The following CYP2J2 variants were observed in gnomAD, a reference collection of about 807,000 sequenced individuals.
CYP2J2 encodes the protein cytochrome P450 2J2.
A neutral mutation model predicts 48.8 loss-of-function variants in CYP2J2; 41 were observed. That is an observed-to-expected ratio of 0.84 (90% CI 0.66 to 1.09). CYP2J2 has a LOEUF of 1.09. Among genes scored for constraint, CYP2J2 ranks in the 50% least tolerant of loss-of-function variants. The probability of loss-of-function intolerance (pLI) is 0.00; values close to 1 mark genes in which losing one functional copy is unlikely to be tolerated. For synonymous variants in CYP2J2, 221 were observed against 227.1 expected, an observed-to-expected ratio of 0.97 and a Z score of 0.24; for missense variants, 644 against 617.3, an observed-to-expected ratio of 1.04 and a Z score of -0.46.
chr1:59,921,554 A>C (rs1407406002), intron 1 of CYP2J2, among the ~76,000 whole-genome samples: 1 of 152,062 alleles, frequency 6.6e-6, no homozygotes, highest in African/African-American at 2.4e-5. Flanking sequence ...TCACATGGAT[A>C]AGATAGGGTT....
Position 59,926,584 on chromosome 1 carries a change from T to C in CYP2J2, c.163A>G (p.Asn55Asp), listed in dbSNP as rs555458233. 5 of 1,614,180 alleles carry C rather than the reference T, an allele frequency of 3.1e-6. No individual in the cohort carries two copies. Among genetic ancestry groups the C allele is most frequent in the Non-Finnish European group, 3.4e-6 (4 of 1,180,024 alleles). ...TGCTCGAAGTCCACAAGGAAGAAGT[T>C]GCCAAGGAAGGGCAGGCGCCAGGGC... ...PGPWRLPFLG[N>D]FFLVDFEQSH... Residue 55 changes from asparagine (N) to aspartate (D), a missense_variant, in exon 1 of 9, where the codon AAC becomes GAC. Transcript: ENST00000371204.
rs572333850 is a variant in CYP2J2 at position 59,908,016 on chromosome 1, C to T, written c.862-89G>A. On this transcript the variant is annotated intron_variant, in intron 5 of 8. Transcript: ENST00000371204. ...ACAAAGGGGCTTCATCCTAGGAGGA[C>T]ATTTGGAAGAAAAGGTCCCCAAAAG... The T allele has an allele frequency of 3.0e-6, 4 of 1,335,368 alleles. No homozygotes were observed. In the East Asian group the frequency reaches 6.9e-5, roughly 23 times the overall value. 82.7% of individuals were successfully genotyped at this position (1,335,368 alleles called of 1,614,324 possible).
chr1:59,931,148 G>A (rs905626418), upstream of CYP2J2, among the ~76,000 whole-genome samples: 5 of 152,090 alleles, frequency 3.3e-5, no homozygotes, highest in East Asian at 1.9e-4. Context: ...CACACAATCC[G>A]GGTAAATGCA....
intron 7 of CYP2J2, 122 bp from the exon 8 acceptor site, chr1:59,901,225 A>T (rs1230514916): frequency 1.4e-5 from 13 of 949,804 alleles, no homozygotes; most frequent in Non-Finnish European, 1.9e-5. Context: ...ACCCTCCCCA[A>T]TTGTGGTACA....
chr1:59,926,807 G>T (rs934880275), upstream of CYP2J2: 4 of 1,464,264 alleles, frequency 2.7e-6, no homozygotes, highest in Non-Finnish European at 3.7e-6. Flanking sequence ...GCAGGCGACG[G>T]TCCCCGCCCC....
intron 1 of CYP2J2, among the ~76,000 whole-genome samples, chr1:59,921,326 A>T (rs1384223589): frequency 6.6e-6 from 1 of 152,202 alleles, no homozygotes; most frequent in Non-Finnish European, 1.5e-5. Context: ...GCAAAATTGC[A>T]TGCAGGATTG....
the CYP2J2 span, among the ~76,000 whole-genome samples, chr1:59,935,023 T>TATATATATATATATATATATACACAC: frequency 2.7e-5 from 2 of 75,322 alleles, no homozygotes; most frequent in Non-Finnish European, 5.7e-5. Context: ...TACATATATA[T>TATATATATATATATATATATACACAC]ATATATATAT....
chr1:59,931,215 T>C (rs147143829), upstream of CYP2J2, among the ~76,000 whole-genome samples: 186 of 152,258 alleles, frequency 1.2e-3, no homozygotes, highest in African/African-American at 4.3e-3. Context: ...AGTACCACAG[T>C]AGGAAAATTT....
chr1:59,916,213 C>T, intron 1 of CYP2J2, 113 bp from the exon 2 acceptor site: 1 of 848,010 alleles, frequency 1.2e-6, no homozygotes, highest in East Asian at 2.6e-5. Context: ...GTGTCTGTGT[C>T]TGTGTGTGTA....
At chr1:59,946,595 T>G in the CYP2J2 span, among the ~76,000 whole-genome samples, 3 of 152,178 alleles carry the variant, frequency 2.0e-5, no homozygotes, top group African/African-American at 7.2e-5. Flanking sequence ...CAGTAAATAT[T>G]CAGCAAACAT....
At chr1:59,897,921 T>C (rs1418171774) in intron 8 of CYP2J2, among the ~76,000 whole-genome samples, 2 of 152,132 alleles carry the variant, frequency 1.3e-5, no homozygotes, top group Admixed American at 6.5e-5. Flanking sequence ...GATGGGCATG[T>C]GATGAAAAAA....
Position 59,903,696 on chromosome 1 carries a change from C to T in CYP2J2, c.1191+1175G>A, listed in dbSNP as rs11572296. On this transcript the variant is annotated intron_variant, in intron 7 of 8. Transcript: ENST00000371204. ...AAAGTTGAAAGAAAAAGAAAGAGTT[C>T]CACTTGTGAGTACAGGGAATTTAAC... Among the ~76,000 whole-genome samples, 108 of 152,254 alleles carry T rather than the reference C, an allele frequency of 7.1e-4. 1 individual carries two copies. In the South Asian group the frequency reaches 0.022, roughly 30 times the overall value.
chr1:59,940,044 T>C, the CYP2J2 span, among the ~76,000 whole-genome samples: 1 of 152,242 alleles, frequency 6.6e-6, no homozygotes, highest in African/African-American at 2.4e-5. Context: ...AATTGCAGAC[T>C]CCCAAGAGCT....
At chr1:59,893,950 G>A in intron 8 of CYP2J2, 121 bp from the exon 9 acceptor site, 1 of 890,204 alleles carries the variant, frequency 1.1e-6, no homozygotes, top group Non-Finnish European at 1.7e-6. Context: ...TAGGCCCCAG[G>A]GTGTTATGGC....
Position 59,926,572 on chromosome 1 carries a change from C to T in CYP2J2, c.175G>A (p.Val59Met), listed in dbSNP as rs777048725. 7 of 1,614,098 alleles carry T rather than the reference C, an allele frequency of 4.3e-6. No individual in the cohort carries two copies. The South Asian group carries it at 7.7e-5, about 18-fold the overall frequency. The change falls in exon 1 of 9, where the codon GTG becomes ATG. Residue 59 changes from valine (V) to methionine (M), a missense_variant. Transcript: ENST00000371204. ...TCCAGGTGCGACTGCTCGAAGTCCACAAGGAAGAAGTTGCCAAGGAAGGGC... is the reference window on the plus strand; with the variant it reads ...TCCAGGTGCGACTGCTCGAAGTCCATAAGGAAGAAGTTGCCAAGGAAGGGC... ...RLPFLGNFFL[V>M]DFEQSHLEVQ...
Position 59,907,039 on chromosome 1 carries a change from G to A in CYP2J2, c.1003+747C>T, listed in dbSNP as rs112242762. 3.9e-3 allele frequency among the ~76,000 whole-genome samples: 590 copies of A among 152,296 alleles called. 3 individuals carry two copies. Among genetic ancestry groups the A allele is most frequent in the African/African-American group, 0.013 (554 of 41,556 alleles). On this transcript the variant is annotated intron_variant, in intron 6 of 8. Coordinates refer to ENST00000371204, the MANE Select transcript of CYP2J2 (RefSeq NM_000775.4). ...GTTCAAACTTTTCTGGAAGCTGGAGGAAGAAAAATAATGAGAACATCATTC... is the reference window on the plus strand; with the variant it reads ...GTTCAAACTTTTCTGGAAGCTGGAGAAAGAAAAATAATGAGAACATCATTC...
the CYP2J2 span, among the ~76,000 whole-genome samples, chr1:59,941,238 A>C: frequency 2.6e-5 from 4 of 151,792 alleles, no homozygotes; most frequent in South Asian, 8.3e-4. Context: ...ATGATGTTTC[A>C]GTCAGTGATG....
At chr1:59,929,462 T>C (rs1416252050), upstream of CYP2J2, among the ~76,000 whole-genome samples, 1 of 152,160 alleles carries the variant, frequency 6.6e-6, no homozygotes, top group African/African-American at 2.4e-5. Flanking sequence ...GCAAAGACTG[T>C]AAAGCAACTT....
chr1:59,897,231 C>T (rs1375404742), intron 8 of CYP2J2, among the ~76,000 whole-genome samples: 3 of 152,192 alleles, frequency 2.0e-5, no homozygotes, highest in African/African-American at 7.2e-5. Context: ...ATTGTAAATA[C>T]CCAAGATTAT....
Sources: gnomAD v4.1 joint callset for allele counts (sites outside exome capture counted in the v4.1 genomes callset) on GRCh38, gnomAD v4.1.1 for gene constraint, MANE v1.5 for transcripts, NCBI Gene and HGNC (gene_info 2026-07-23, HGNC 2026-07-21) for gene names.